Variants in TXNDC11 observed in about 807,000 individuals in gnomAD.
The protein encoded by TXNDC11 is thioredoxin domain-containing protein 11.
TXNDC11 carries 68 observed loss-of-function variants against 78.0 expected under a neutral mutation model. The ratio of observed to expected loss-of-function variants is 0.87; its 90% CI spans 0.72 to 1.07. TXNDC11 has a LOEUF of 1.07. TXNDC11 is among the 50% of genes least tolerant of loss of function. TXNDC11 has a pLI of 0.00. For synonymous variants in TXNDC11, 571 were observed against 495.2 expected (o/e 1.15, Z -2.03); for missense variants, 1,389 against 1,221.8 (o/e 1.14, Z -2.04).
chr16:11,741,636 G>A (rs1263968505), intron 1 of TXNDC11, among the ~76,000 whole-genome samples: 1 of 152,184 alleles, frequency 6.6e-6, no homozygotes, highest in African/African-American at 2.4e-5. Context: ...GCATAGCACT[G>A]AAGCTTTAAA....
intron 8 of TXNDC11, chr16:11,688,667 T>C: frequency 6.9e-6 from 3 of 434,552 alleles, no homozygotes. Flanking sequence ...CAAAACACTA[T>C]GCAATGTTAG....
At chr16:11,725,004 C>T (rs1466992648) in intron 4 of TXNDC11, among the ~76,000 whole-genome samples, 3 of 152,154 alleles carry the variant, frequency 2.0e-5, no homozygotes, top group African/African-American at 7.2e-5. Flanking sequence ...CTCGGCCTCC[C>T]AAAGTACTGG....
intron 5 of TXNDC11, among the ~76,000 whole-genome samples, chr16:11,710,808 C>T (rs944492813): frequency 2.0e-5 from 3 of 152,172 alleles, no homozygotes; most frequent in East Asian, 1.9e-4. Context: ...GAGTGAGACC[C>T]TGTCAAATAA....
chr16:11,716,593 T>C (rs924927720), intron 5 of TXNDC11, among the ~76,000 whole-genome samples: 2 of 152,172 alleles, frequency 1.3e-5, no homozygotes, highest in African/African-American at 4.8e-5. Flanking sequence ...ATGAGAGATA[T>C]GTAAGACCTA....
At chr16:11,715,547 G>A (rs961465391) in intron 5 of TXNDC11, among the ~76,000 whole-genome samples, 2 of 152,022 alleles carry the variant, frequency 1.3e-5, no homozygotes, top group Non-Finnish European at 2.9e-5. Context: ...CACAAGAAGT[G>A]GAGAAGGTAG....
chr16:11,714,046 ATTTTTT>A (rs34976718), intron 5 of TXNDC11, among the ~76,000 whole-genome samples: 2 of 148,586 alleles, frequency 1.3e-5, no homozygotes, highest in Non-Finnish European at 3.0e-5. Flanking sequence ...TATCCTTCAG[ATTTTTT>A]TTTTTTGAGA....
chr16:11,742,640 CTG>C lies in TXNDC11; in HGVS notation c.89_90del (p.Ser30Ter). Reference sequence around the variant, plus strand: ...AGGGTCGGGCTCGAGCTGAGGCAGTCTGAGCCCGCGGGGCCGCCGCCGCCCCC... The same window carrying C: ...AGGGTCGGGCTCGAGCTGAGGCAGTCAGCCCGCGGGGCCGCCGCCGCCCCC... ...EGGGGGGPAGSDCLSSSPTLA... is the reference protein window; with the variant it reads ...EGGGGGGPAGXDCLSSSPTLA... On this transcript the variant is annotated frameshift_variant, in exon 1 of 12. Transcript: ENST00000283033. LOFTEE classifies it high-confidence loss of function. The C allele has an allele frequency of 6.8e-7, 1 of 1,459,886 alleles. No homozygotes were observed. The highest frequency in any genetic ancestry group is 9.0e-7 in the Non-Finnish European group (1 of 1,111,738). 90.4% of individuals were successfully genotyped at this position (1,459,886 alleles called of 1,614,324 possible). A position where few individuals can be genotyped will look rare whatever the true frequency, so the allele number is the denominator to read the frequency against.
chr16:11,690,135 A>C (rs1360651682), intron 8 of TXNDC11: 2 of 152,188 alleles, frequency 1.3e-5, no homozygotes, highest in East Asian at 3.9e-4. Context: ...TTCCTTCCCT[A>C]CCAAATTCCT....
chr16:11,703,683 C>A (rs1292125312), intron 5 of TXNDC11: 5 of 702,652 alleles, frequency 7.1e-6, no homozygotes, highest in East Asian at 2.7e-5. Context: ...GCACGTAGAT[C>A]TTGGTTTCTA....
intron 4 of TXNDC11, 29 bp from the exon 5 acceptor site, chr16:11,721,699 C>T (rs1294504322): frequency 2.2e-6 from 3 of 1,355,506 alleles, no homozygotes; most frequent in African/African-American, 2.9e-5. Context: ...AATTAGGTAA[C>T]TGAGGCACTG....
At chr16:11,692,447 G>A (rs1423829662) in intron 7 of TXNDC11, among the ~76,000 whole-genome samples, 1 of 152,058 alleles carries the variant, frequency 6.6e-6, no homozygotes, top group Admixed American at 6.5e-5. Context: ...AAAGTGTAAG[G>A]ATAGTGATGC....
chr16:11,726,236 T>G (rs952582448), intron 4 of TXNDC11, among the ~76,000 whole-genome samples: 1 of 151,976 alleles, frequency 6.6e-6, no homozygotes, highest in Admixed American at 6.6e-5. Flanking sequence ...CAATGTGATA[T>G]TGGTAGGTCT....
At position 11,684,229 on chromosome 16, in the gene TXNDC11, T is replaced by C; in HGVS notation, c.2170A>G (p.Asn724Asp). ...ACCATAAATTCCCAAGGAAGGTCATTCTGAGACACGTCAATCCTGGTAAAG... is the reference window on the plus strand; with the variant it reads ...ACCATAAATTCCCAAGGAAGGTCATCCTGAGACACGTCAATCCTGGTAAAG... ...FTVARIDVSQ[N>D]DLPWEFMVDR... Residue 724 changes from asparagine (N) to aspartate (D), a missense_variant, in exon 11 of 12, where the codon AAT becomes GAT. Asn to Asp is a conservative substitution (Grantham distance 23). Transcript: ENST00000283033. 1 of 1,613,478 alleles carries C rather than the reference T, an allele frequency of 6.2e-7. No individual in the cohort carries two copies. Among genetic ancestry groups the C allele is most frequent in the Non-Finnish European group, 8.5e-7 (1 of 1,179,532 alleles).
chr16:11,698,638 G>A (rs1474994856), intron 6 of TXNDC11, among the ~76,000 whole-genome samples: 1 of 152,226 alleles, frequency 6.6e-6, no homozygotes, highest in Non-Finnish European at 1.5e-5. Flanking sequence ...CTATCACCCT[G>A]TCCAAGGACA....
intron 7 of TXNDC11, among the ~76,000 whole-genome samples, chr16:11,695,139 T>C (rs1158867513): frequency 2.0e-5 from 3 of 152,220 alleles, no homozygotes; most frequent in African/African-American, 4.8e-5. Context: ...TGTGATGTCT[T>C]ATAACCTCTC....
intron 9 of TXNDC11, 79 bp downstream of exon 9, chr16:11,688,224 G>A (rs1003761077): frequency 3.8e-5 from 57 of 1,494,668 alleles, no homozygotes; most frequent in Admixed American, 9.5e-5. Context: ...AAAAACAGCT[G>A]CTCACCCCAA....
At chr16:11,695,042 C>T (rs1207213678) in intron 7 of TXNDC11, among the ~76,000 whole-genome samples, 4 of 152,236 alleles carry the variant, frequency 2.6e-5, no homozygotes, top group Non-Finnish European at 4.4e-5. Context: ...CTCAAATAAA[C>T]ACCTTTAAAA....
intron 7 of TXNDC11, among the ~76,000 whole-genome samples, chr16:11,694,000 A>G (rs182572726): frequency 6.6e-6 from 1 of 152,206 alleles, no homozygotes; most frequent in Admixed American, 6.5e-5. Flanking sequence ...TTCCTTGAAA[A>G]ATCTTTCTTC....
At chr16:11,717,821 A>G (rs76311516) in intron 5 of TXNDC11, among the ~76,000 whole-genome samples, 1 of 143,606 alleles carries the variant, frequency 7.0e-6, no homozygotes, top group East Asian at 2.0e-4. Flanking sequence ...ACTCTGTCTC[A>G]AAAAAAAAAA....
Sources: gnomAD v4.1 joint callset for allele counts (sites outside exome capture counted in the v4.1 genomes callset) on GRCh38, gnomAD v4.1.1 for gene constraint, MANE v1.5 for transcripts, NCBI Gene and HGNC (gene_info 2026-07-23, HGNC 2026-07-21) for gene names.